Variants in GPC5 observed in about 807,000 individuals in gnomAD.
GPC5 encodes glypican 5, also known as glypican-5.
A neutral mutation model predicts 53.9 loss-of-function variants in GPC5; 47 were observed. That is an observed-to-expected ratio of 0.87 (90% confidence interval 0.69 to 1.11). The LOEUF (loss-of-function observed/expected upper bound fraction) is 1.11. GPC5 is among the 50% of genes most tolerant of loss of function. The pLI is 0.00. For missense variants in GPC5, 748 were observed against 713.1 expected, an observed-to-expected ratio of 1.05 and a Z score of -0.56; for synonymous variants, 286 against 263.3, an observed-to-expected ratio of 1.09 and a Z score of -0.84.
intron 5 of GPC5, among the ~76,000 whole-genome samples, chr13:91,829,545 T>G (rs117307472): frequency 2.0e-5 from 3 of 152,084 alleles, no homozygotes; most frequent in Admixed American, 1.3e-4. Flanking sequence ...AGAGTGTATA[T>G]GGGTGAGAAA....
chr13:91,772,842 AAGG>A (rs1400086529), intron 5 of GPC5, among the ~76,000 whole-genome samples: 1 of 152,146 alleles, frequency 6.6e-6, no homozygotes, highest in African/African-American at 2.4e-5. Context: ...TCTATGTTTT[AAGG>A]AGCTCTCCAG....
At chr13:92,513,287 A>AAACATAGGAG (rs1392948874) in intron 7 of GPC5, among the ~76,000 whole-genome samples, 1 of 152,176 alleles carries the variant, frequency 6.6e-6, no homozygotes, top group Non-Finnish European at 1.5e-5. Flanking sequence ...GGGGTCTATT[A>AAACATAGGAG]AACATAGGAG....
intron 7 of GPC5, among the ~76,000 whole-genome samples, chr13:92,349,842 C>A (rs986653783): frequency 1.1e-4 from 16 of 152,086 alleles, no homozygotes; most frequent in African/African-American, 3.9e-4. Context: ...TCAAAGCCTT[C>A]CCAAAAATTG....
At chr13:92,378,040 C>A (rs2139302590) in intron 7 of GPC5, among the ~76,000 whole-genome samples, 1 of 152,106 alleles carries the variant, frequency 6.6e-6, no homozygotes, top group Non-Finnish European at 1.5e-5. Flanking sequence ...ATCTTTTTCT[C>A]TTTCTAATGA....
chr13:92,204,500 G>A (rs2042318765), intron 7 of GPC5, among the ~76,000 whole-genome samples: 1 of 152,120 alleles, frequency 6.6e-6, no homozygotes, highest in Non-Finnish European at 1.5e-5. Context: ...CCAACAGCAA[G>A]GAATCAGGGT....
intron 6 of GPC5, among the ~76,000 whole-genome samples, chr13:92,064,180 G>A (rs755875245): frequency 6.6e-6 from 1 of 152,138 alleles, no homozygotes; most frequent in Non-Finnish European, 1.5e-5. Context: ...TCTATTTATA[G>A]CCAAAAGTTT....
chr13:91,571,881 A>G lies in GPC5; in HGVS notation c.326-121306A>G, dbSNP rs867057857. Among the ~76,000 whole-genome samples the G allele has an allele frequency of 1.4e-3, 145 of 103,184 alleles. 16 individuals are homozygous for G. The highest frequency in any genetic ancestry group is 2.5e-3 in the South Asian group (7 of 2,818). The allele number at this position is 103,184 out of a possible 152,430, so 67.7% of individuals were successfully genotyped here. On this transcript the variant is annotated intron_variant, in intron 2 of 7. Transcript: ENST00000377067. Reference sequence around the variant, plus strand: ...TATACGTGTGTGTATATATACACACATATACGTGTGTATATACACATATTG... The same window carrying G: ...TATACGTGTGTGTATATATACACACGTATACGTGTGTATATACACATATTG...
At chr13:92,569,889 G>T (rs573164001) in intron 7 of GPC5, among the ~76,000 whole-genome samples, 2 of 152,168 alleles carry the variant, frequency 1.3e-5, no homozygotes, top group African/African-American at 2.4e-5. Flanking sequence ...AATATAAACA[G>T]TTACACTGTG....
intron 7 of GPC5, among the ~76,000 whole-genome samples, chr13:92,643,812 G>T (rs898725569): frequency 6.6e-6 from 1 of 150,864 alleles, no homozygotes; most frequent in African/African-American, 2.4e-5. Context: ...CACCAGCATG[G>T]CACATGTATA....
intron 7 of GPC5, among the ~76,000 whole-genome samples, chr13:92,266,282 G>T (rs1452490323): frequency 6.6e-6 from 1 of 152,056 alleles, no homozygotes. Context: ...ACGGATTAGA[G>T]TTCACTTTAT....
chr13:92,561,839 G>A lies in GPC5; in HGVS notation c.1562-304443G>A, dbSNP rs1016563427. ...AGTAAATCAATCTCTGCTGCTGAGC[G>A]TGAGCCTCAGAGGAGATAAAGTTGT... On this transcript the variant is annotated intron_variant, in intron 7 of 7. Coordinates refer to ENST00000377067, the MANE Select transcript of GPC5 (RefSeq NM_004466.6). 4.6e-5 allele frequency among the ~76,000 whole-genome samples: 7 copies of A among 152,190 alleles called. No homozygotes were observed. In the South Asian group the frequency reaches 6.2e-4, roughly 13 times the overall value.
chr13:91,833,843 A>G (rs1284038347), intron 5 of GPC5, among the ~76,000 whole-genome samples: 2 of 152,182 alleles, frequency 1.3e-5, no homozygotes, highest in African/African-American at 4.8e-5. Flanking sequence ...CAAGATAAGG[A>G]TGTCCTCTCT....
intron 6 of GPC5, among the ~76,000 whole-genome samples, chr13:92,062,520 T>G (rs919629511): frequency 6.6e-6 from 1 of 152,034 alleles, no homozygotes; most frequent in Non-Finnish European, 1.5e-5. Context: ...TAGCTACTAC[T>G]ATAGAAAGTT....
intron 7 of GPC5, among the ~76,000 whole-genome samples, chr13:92,565,968 C>T (rs1882851258): frequency 6.6e-6 from 1 of 151,890 alleles, no homozygotes; most frequent in Non-Finnish European, 1.5e-5. Flanking sequence ...ACAATGTATT[C>T]AGTATTGTTT....
At chr13:91,468,429 A>G (rs1328700750) in intron 2 of GPC5, among the ~76,000 whole-genome samples, 1 of 152,118 alleles carries the variant, frequency 6.6e-6, no homozygotes, top group Non-Finnish European at 1.5e-5. Flanking sequence ...AGGTCATTAG[A>G]GTGGGCCCAC....
intron 6 of GPC5, among the ~76,000 whole-genome samples, chr13:91,929,140 T>A (rs995790693): frequency 6.6e-6 from 1 of 152,084 alleles, no homozygotes; most frequent in Non-Finnish European, 1.5e-5. Context: ...TATTAAAGAT[T>A]TAGTAAATAA....
rs115019420 is a variant in GPC5 at position 91,692,884 on chromosome 13, T to G, written c.326-303T>G. On this transcript the variant is annotated intron_variant, in intron 2 of 7. Transcript: ENST00000377067. ...GTCTCGAACTCTTACCCTCAGGTGA[T>G]CCACCTCCCTCGGCTTCCCAAAGTG... 7.0e-3 allele frequency among the ~76,000 whole-genome samples: 1,074 copies of G among 152,346 alleles called. 11 individuals carry two copies. Among genetic ancestry groups the G allele is most frequent in the African/African-American group, 0.025 (1,027 of 41,588 alleles).
At chr13:92,041,970 C>T (rs532636220) in intron 6 of GPC5, among the ~76,000 whole-genome samples, 1 of 152,266 alleles carries the variant, frequency 6.6e-6, no homozygotes, top group East Asian at 1.9e-4. Flanking sequence ...TTCCTCCTCC[C>T]TCTGATAAGG....
At chr13:91,402,820 T>C (rs1877046333) in intron 1 of GPC5, among the ~76,000 whole-genome samples, 1 of 152,206 alleles carries the variant, frequency 6.6e-6, no homozygotes, top group Non-Finnish European at 1.5e-5. Flanking sequence ...AAGTCAGAAA[T>C]GATTATTTTT....
Sources: allele counts gnomAD v4.1 joint callset (sites outside exome capture counted in the v4.1 genomes callset), GRCh38; gene constraint gnomAD v4.1.1; transcripts MANE v1.5; gene names NCBI Gene and HGNC (gene_info 2026-07-23, HGNC 2026-07-21).